Variants in XYLT1 observed in about 807,000 individuals in gnomAD.
XYLT1 encodes the protein beta-D-xylosyltransferase 1.
XYLT1 carries 36 observed loss-of-function variants against 91.3 expected under a neutral mutation model. The observed-to-expected ratio is 0.39, with a 90% confidence interval of 0.30 to 0.52. The LOEUF (loss-of-function observed/expected upper bound fraction) is 0.52, where lower values mean the gene tolerates loss of function less well. Among genes scored for constraint, XYLT1 ranks in the 20% least tolerant of loss-of-function variants. The pLI is 0.68. For missense variants in XYLT1, 1,242 were observed against 1,284.5 expected, an observed-to-expected ratio of 0.97 and a Z score of 0.51; for synonymous variants, 588 against 532.0, an observed-to-expected ratio of 1.11 and a Z score of -1.45.
intron 1 of XYLT1, among the ~76,000 whole-genome samples, chr16:17,433,738 T>C (rs1421437693): frequency 6.6e-6 from 1 of 152,170 alleles, no homozygotes; most frequent in Admixed American, 6.5e-5. Context: ...TTAACAGCAT[T>C]TCCTCTATAG....
intron 2 of XYLT1, among the ~76,000 whole-genome samples, chr16:17,308,121 G>A (rs931266511): frequency 2.6e-5 from 4 of 152,162 alleles, no homozygotes. Flanking sequence ...AGAGCTTGAA[G>A]GCTTCGTAAC....
intron 1 of XYLT1, among the ~76,000 whole-genome samples, chr16:17,376,588 A>T (rs1390507518): frequency 6.6e-6 from 1 of 152,216 alleles, no homozygotes; most frequent in Non-Finnish European, 1.5e-5. Flanking sequence ...ACACTTTGAG[A>T]GGCCAAGGCA....
intron 5 of XYLT1, among the ~76,000 whole-genome samples, chr16:17,177,398 C>G (rs1429629820): frequency 6.6e-6 from 1 of 152,130 alleles, no homozygotes; most frequent in Non-Finnish European, 1.5e-5. Context: ...CTGTTTCCTG[C>G]ATTATATGCA....
chr16:17,462,983 C>T (rs575338160), intron 1 of XYLT1, among the ~76,000 whole-genome samples: 3 of 152,174 alleles, frequency 2.0e-5, no homozygotes, highest in South Asian at 2.1e-4. Context: ...GGAAAGTCTT[C>T]GATAAGTAGT....
chr16:17,379,753 TC>T (rs2035649128), intron 1 of XYLT1, among the ~76,000 whole-genome samples: 3 of 128,718 alleles, frequency 2.3e-5, no homozygotes, highest in African/African-American at 9.5e-5. Flanking sequence ...TCTCTCTCTC[TC>T]TCTCTCTCTC....
chr16:17,209,875 T>C (rs1433435976), intron 3 of XYLT1, among the ~76,000 whole-genome samples: 2 of 152,196 alleles, frequency 1.3e-5, no homozygotes, highest in African/African-American at 2.4e-5. Flanking sequence ...CTGAGGACTA[T>C]AGCGATTGTG....
At position 17,127,741 on chromosome 16, in the gene XYLT1, C is replaced by A; in HGVS notation, c.2148G>T (p.Glu716Asp). 5 of 1,614,194 alleles carry A rather than the reference C, an allele frequency of 3.1e-6. No individual in the cohort carries two copies. Among genetic ancestry groups the A allele is most frequent in the Non-Finnish European group, 4.2e-6 (5 of 1,180,034 alleles). Reference sequence around the variant, plus strand: ...AGACTTTTTTCGGCATCACCCAGGTCTCCAGAGTCTCTAGTTTGCTCACAG... The same window carrying A: ...AGACTTTTTTCGGCATCACCCAGGTATCCAGAGTCTCTAGTTTGCTCACAG... ...NLAVSKLETL[E>D]TWVMPKKVFK... is the part of the protein sequence containing the mutation. The change falls in exon 10 of 12, where the codon GAG becomes GAT. Residue 716 changes from glutamate to aspartate, a missense_variant. Glu to Asp is a conservative substitution (Grantham distance 45). Around this residue, in one of 3 missense-constraint regions of XYLT1, gnomAD observed 511 missense variants for 497.0 expected, o/e 1.03. Coordinates refer to ENST00000261381, the MANE Select transcript of XYLT1 (RefSeq NM_022166.4).
At chr16:17,188,951 C>T (rs563569889) in intron 5 of XYLT1, among the ~76,000 whole-genome samples, 6 of 151,450 alleles carry the variant, frequency 4.0e-5, no homozygotes, top group Non-Finnish European at 7.4e-5. Flanking sequence ...TTGACCACTA[C>T]GATGAGGGCA....
intron 1 of XYLT1, among the ~76,000 whole-genome samples, chr16:17,459,821 A>T (rs758862663): frequency 1.3e-5 from 2 of 152,116 alleles, no homozygotes; most frequent in Admixed American, 1.3e-4. Context: ...GACCCCAACC[A>T]GTATCTGATG....
chr16:17,235,151 G>A (rs1362492874), intron 3 of XYLT1, among the ~76,000 whole-genome samples: 1 of 152,032 alleles, frequency 6.6e-6, no homozygotes, highest in African/African-American at 2.4e-5. Flanking sequence ...GTTTGGGAAT[G>A]GAGGTTACTG....
intron 2 of XYLT1, among the ~76,000 whole-genome samples, chr16:17,294,086 C>T (rs141875380): frequency 3.3e-5 from 5 of 152,192 alleles, no homozygotes; most frequent in East Asian, 1.9e-4. Flanking sequence ...ATGCCCTGGG[C>T]GACTGTGCTG....
intron 1 of XYLT1, among the ~76,000 whole-genome samples, chr16:17,407,152 C>A (rs1346786971): frequency 2.0e-5 from 3 of 152,070 alleles, no homozygotes; most frequent in African/African-American, 7.2e-5. Context: ...TAGACCCCTG[C>A]CACCACCCCA....
chr16:17,239,693 T>C lies in XYLT1; in HGVS notation c.913+19295A>G, dbSNP rs552626331. Among the ~76,000 whole-genome samples, 557 of 150,412 alleles carry C rather than the reference T, an allele frequency of 3.7e-3. 4 individuals carry two copies. The highest frequency in any genetic ancestry group is 0.013 in the African/African-American group (539 of 40,728). On this transcript the variant is annotated intron_variant, in intron 3 of 11. Transcript: ENST00000261381. ...CCTAGTCCATTCATCCATTCATCCA[T>C]CCACCCATCCATCCATCCACCCACC... is the stretch of plus-strand genomic sequence containing the variant.
At chr16:17,331,186 A>T (rs913983463) in intron 2 of XYLT1, among the ~76,000 whole-genome samples, 13 of 152,172 alleles carry the variant, frequency 8.5e-5, no homozygotes, top group Non-Finnish European at 1.5e-4. Context: ...ACTCTGGAGG[A>T]GGGGGAGATG....
chr16:17,268,775 C>T (rs534088723), intron 2 of XYLT1, among the ~76,000 whole-genome samples: 11 of 151,110 alleles, frequency 7.3e-5, no homozygotes, highest in African/African-American at 2.2e-4. Flanking sequence ...CGGGTTCAAG[C>T]GATTCTCTTG....
chr16:17,251,419 T>C (rs1213979729), intron 3 of XYLT1: 2 of 152,334 alleles, frequency 1.3e-5, no homozygotes, highest in Non-Finnish European at 2.9e-5. Context: ...CCAATCATCT[T>C]CCCTGGAACT....
At chr16:17,339,823 CCCT>C (rs2035039418) in intron 2 of XYLT1, among the ~76,000 whole-genome samples, 1 of 150,640 alleles carries the variant, frequency 6.6e-6, no homozygotes, top group Admixed American at 6.6e-5. Flanking sequence ...ATCCTTTTTT[CCCT>C]CCTTCCTTCT....
rs73525167 is a variant in XYLT1, at chr16:17,388,657, G to C, written c.364-30607C>G. 3.5e-3 allele frequency among the ~76,000 whole-genome samples: 527 copies of C among 152,312 alleles called. 4 individuals carry two copies. Among genetic ancestry groups the C allele is most frequent in the African/African-American group, 0.012 (504 of 41,566 alleles). On this transcript the variant is annotated intron_variant, in intron 1 of 11. Transcript: ENST00000261381. Reference sequence around the variant, plus strand: ...GGGCAGAAAGGAAAAATCACACTACGGAGGGTGCTTTACCATAAGATCTTA... The same window carrying C: ...GGGCAGAAAGGAAAAATCACACTACCGAGGGTGCTTTACCATAAGATCTTA...
Position 17,328,831 on chromosome 16 carries a change from G to T in XYLT1, c.402+29181C>A, listed in dbSNP as rs191660584. 3.4e-4 allele frequency among the ~76,000 whole-genome samples: 52 copies of T among 152,226 alleles called. No homozygotes were observed. The East Asian group carries it at 9.3e-3, about 27-fold the overall frequency. On this transcript the variant is annotated intron_variant, in intron 2 of 11. Coordinates refer to ENST00000261381, the MANE Select transcript of XYLT1 (RefSeq NM_022166.4). ...TATTTGAGAAGGCAGGAAAATAAAT[G>T]GGTGATAGAGTTTAGAAAAATTCCT...
Sources: allele counts gnomAD v4.1 joint callset (sites outside exome capture counted in the v4.1 genomes callset), GRCh38; gene constraint gnomAD v4.1.1; regional missense constraint gnomAD v4.1.1; transcripts MANE v1.5; gene names NCBI Gene and HGNC (gene_info 2026-07-23, HGNC 2026-07-21).